The following PCNX2 variants were observed in gnomAD, a reference collection of about 807,000 sequenced individuals.
PCNX2 encodes the protein pecanex-like protein 2.
Under a neutral mutation model 223.8 loss-of-function variants are expected in PCNX2, and 168 were observed. That is an observed-to-expected ratio of 0.75 (90% CI 0.66 to 0.85). The LOEUF is 0.85. Ranked by LOEUF, PCNX2 falls within the 40% of genes least tolerant of loss-of-function variation. PCNX2 has a pLI of 0.00. For synonymous variants in PCNX2, 1,006 were observed against 1,052.6 expected, an observed-to-expected ratio of 0.96 and a Z score of 0.86; for missense variants, 2,507 against 2,675.5, an observed-to-expected ratio of 0.94 and a Z score of 1.39.
rs551893277 is a variant in PCNX2, at chr1:233,078,592, A to G, written c.4076+11469T>C. On this transcript the variant is annotated intron_variant, in intron 23 of 33. Coordinates refer to ENST00000258229, the MANE Select transcript of PCNX2 (RefSeq NM_014801.4). The stretch of plus-strand genomic sequence containing the variant: ...AGGCTTACACTCCCTGCGACCATCC[A>G]TCTACCTGAATCACTCACAAAGCCT... Among the ~76,000 whole-genome samples, 163 of 152,154 alleles carry G rather than the reference A, an allele frequency of 1.1e-3. 4 individuals carry two copies. Among genetic ancestry groups the G allele is most frequent in the Non-Finnish European group, 7.9e-4 (54 of 68,018 alleles).
chr1:233,131,256 G>T (rs1676487606), intron 21 of PCNX2, among the ~76,000 whole-genome samples: 1 of 152,146 alleles, frequency 6.6e-6, no homozygotes, highest in Admixed American at 6.5e-5. Flanking sequence ...AGACTTCCAT[G>T]AGTCTAGTGG....
intron 23 of PCNX2, among the ~76,000 whole-genome samples, chr1:233,085,150 T>C (rs748337364): frequency 1.3e-5 from 2 of 152,100 alleles, no homozygotes. Flanking sequence ...CTGAACAACA[T>C]GGTGAAACCC....
chr1:233,073,799 A>G (rs753196180), intron 23 of PCNX2, among the ~76,000 whole-genome samples: 6 of 149,396 alleles, frequency 4.0e-5, no homozygotes, highest in African/African-American at 7.4e-5. Context: ...AATTTTTTGA[A>G]GAGACCCATC....
upstream of PCNX2, among the ~76,000 whole-genome samples, chr1:233,298,655 G>A (rs1369914285): frequency 1.3e-5 from 2 of 152,146 alleles, no homozygotes; most frequent in African/African-American, 2.4e-5. Context: ...TTGGGAGGCC[G>A]AGGCGGGTGG....
rs200950369 is a variant in PCNX2, at chr1:233,016,959, G to A, written c.4801C>T (p.Leu1601=). The A allele has an allele frequency of 4.6e-4, 750 of 1,613,400 alleles. 2 individuals carry two copies. The highest frequency in any genetic ancestry group is 4.3e-4 in the Non-Finnish European group (508 of 1,179,390). Residue 1601 remains leucine (L), a synonymous_variant, in exon 27 of 34, where the codon CTA becomes TTA. Coordinates refer to ENST00000258229, the MANE Select transcript of PCNX2 (RefSeq NM_014801.4). Reference sequence around the variant, plus strand: ...CGTGCACAGTGTTGAATCCATTCTAGATAAACATTGCAGAAGCTAGCTCGT... The same window carrying A: ...CGTGCACAGTGTTGAATCCATTCTAAATAAACATTGCAGAAGCTAGCTCGT... ...ITRASFCNVY[L]EWIQHCARKR...
At position 233,028,725 on chromosome 1, in the gene PCNX2, T is replaced by C. The variant is rs6703994; in HGVS notation, c.4352-3326A>G. On this transcript the variant is annotated intron_variant, in intron 25 of 33. Coordinates refer to ENST00000258229, the MANE Select transcript of PCNX2 (RefSeq NM_014801.4). ...TCTGATGATCTCCAATTTTTAATTA[T>C]AGTGATTAATCCATTTACATGTAAT... Among the ~76,000 whole-genome samples, 1,315 of 151,562 alleles carry C rather than the reference T, an allele frequency of 8.7e-3. 8 individuals are homozygous for C. Among genetic ancestry groups the C allele is most frequent in the African/African-American group, 0.012 (489 of 40,864 alleles).
At chr1:233,016,651 T>C (rs1670675000) in intron 27 of PCNX2, 1 of 473,964 alleles carries the variant, frequency 2.1e-6, no homozygotes, top group South Asian at 9.0e-5. Context: ...GCTTCAAATG[T>C]TTAAGTTATA....
chr1:233,231,818 T>TA (rs1282311413), intron 9 of PCNX2: 2 of 256,896 alleles, frequency 7.8e-6, no homozygotes, highest in Admixed American at 1.3e-4. Context: ...GATGTGAGCA[T>TA]TGGAGACCCT....
chr1:233,149,530 G>A (rs1677666393), intron 19 of PCNX2, among the ~76,000 whole-genome samples: 1 of 152,182 alleles, frequency 6.6e-6, no homozygotes, highest in Non-Finnish European at 1.5e-5. Context: ...ACTCTGCAAA[G>A]TGGAATGAAC....
At chr1:233,141,851 C>T (rs1443333304) in intron 19 of PCNX2, among the ~76,000 whole-genome samples, 1 of 151,164 alleles carries the variant, frequency 6.6e-6, no homozygotes, top group African/African-American at 2.4e-5. Context: ...AGAATTCATT[C>T]GAATGGGCTA....
At chr1:233,287,610 A>C (rs1384598590) in intron 1 of PCNX2, among the ~76,000 whole-genome samples, 2 of 152,216 alleles carry the variant, frequency 1.3e-5, no homozygotes, top group African/African-American at 4.8e-5. Context: ...TAGCCATGTG[A>C]AACTGTGAGA....
At chr1:233,147,550 A>G (rs990567601) in intron 19 of PCNX2, among the ~76,000 whole-genome samples, 1 of 151,494 alleles carries the variant, frequency 6.6e-6, no homozygotes, top group African/African-American at 2.4e-5. Flanking sequence ...GGAAGGCAGG[A>G]GAGACAGGAG....
intron 25 of PCNX2, among the ~76,000 whole-genome samples, chr1:233,049,123 C>T (rs1027186633): frequency 3.3e-5 from 5 of 152,030 alleles, no homozygotes; most frequent in East Asian, 1.9e-4. Flanking sequence ...GGGACTCCTC[C>T]CTAATGCATT....
intron 25 of PCNX2, among the ~76,000 whole-genome samples, chr1:233,048,445 G>C (rs67434181): frequency 6.6e-6 from 1 of 152,068 alleles, no homozygotes; most frequent in South Asian, 2.1e-4. Flanking sequence ...AACAGAGTGA[G>C]ACTCTGTCTT....
At chr1:233,250,393 C>A (rs1453295577) in intron 8 of PCNX2, among the ~76,000 whole-genome samples, 1 of 152,118 alleles carries the variant, frequency 6.6e-6, no homozygotes, top group Non-Finnish European at 1.5e-5. Context: ...TGAGAACTAA[C>A]CACATTTCTA....
At chr1:233,292,825 C>T (rs1396780399) in intron 1 of PCNX2, among the ~76,000 whole-genome samples, 1 of 152,044 alleles carries the variant, frequency 6.6e-6, no homozygotes, top group African/African-American at 2.4e-5. Flanking sequence ...ATAACGCAGG[C>T]TATATATTAA....
chr1:233,068,152 A>T (rs146488542), intron 23 of PCNX2, among the ~76,000 whole-genome samples: 1 of 152,230 alleles, frequency 6.6e-6, no homozygotes, highest in African/African-American at 2.4e-5. Flanking sequence ...TCAGGAAGAA[A>T]TAGCACAATA....
At chr1:233,195,552 T>A (rs986812614) in intron 15 of PCNX2, among the ~76,000 whole-genome samples, 1 of 152,152 alleles carries the variant, frequency 6.6e-6, no homozygotes, top group Non-Finnish European at 1.5e-5. Context: ...TGGTAGACAA[T>A]CTTAAAGAAA....
intron 21 of PCNX2, among the ~76,000 whole-genome samples, chr1:233,120,203 A>G (rs1402802770): frequency 1.0e-5 from 1 of 99,146 alleles, no homozygotes; most frequent in Non-Finnish European, 2.2e-5. Flanking sequence ...AAGAAAAAAG[A>G]AAAAAAAAGA....
Sources: allele counts gnomAD v4.1 joint callset (sites outside exome capture counted in the v4.1 genomes callset), GRCh38; gene constraint gnomAD v4.1.1; transcripts MANE v1.5; gene names NCBI Gene and HGNC (gene_info 2026-07-23, HGNC 2026-07-21).